The following PDE8B variants were observed in gnomAD, a reference collection of about 807,000 sequenced individuals.
PDE8B encodes the protein phosphodiesterase 8B, also known as high affinity cAMP-specific and IBMX-insensitive 3',5'-cyclic phosphodiesterase 8B.
PDE8B carries 26 observed loss-of-function variants against 101.3 expected under a neutral mutation model. That is an observed-to-expected ratio of 0.26 (90% CI 0.19 to 0.36). The LOEUF (loss-of-function observed/expected upper bound fraction) is 0.36. Among genes scored for constraint, PDE8B ranks in the 10% least tolerant of loss-of-function variants. PDE8B has a pLI of 1.00. For missense variants in PDE8B, 810 were observed against 1,163.1 expected (o/e 0.70, Z 4.42); for synonymous variants, 424 against 429.3 (o/e 0.99, Z 0.15).
At chr5:77,303,420 C>A (rs1288103650) in intron 1 of PDE8B, among the ~76,000 whole-genome samples, 1 of 151,784 alleles carries the variant, frequency 6.6e-6, no homozygotes, top group Non-Finnish European at 1.5e-5. Context: ...TTTTGTGTTC[C>A]CTACTAAAAT....
intron 1 of PDE8B, among the ~76,000 whole-genome samples, chr5:77,307,132 C>T (rs1165353249): frequency 1.3e-5 from 2 of 152,164 alleles, no homozygotes; most frequent in African/African-American, 2.4e-5. Context: ...CCAGCCTTCC[C>T]AGTCGACCCT....
intron 20 of PDE8B, among the ~76,000 whole-genome samples, chr5:77,425,040 T>C (rs1797717898): frequency 1.3e-5 from 2 of 152,178 alleles, no homozygotes; most frequent in South Asian, 4.1e-4. Context: ...ATAATGACTA[T>C]GGCTATTAAT....
chr5:77,269,946 G>C (rs1024276015), intron 1 of PDE8B, among the ~76,000 whole-genome samples: 3 of 152,174 alleles, frequency 2.0e-5, no homozygotes, highest in African/African-American at 7.2e-5. Flanking sequence ...GATAACTTTG[G>C]CTATTCTGGG....
At chr5:77,292,346 A>T (rs1767556188) in intron 1 of PDE8B, among the ~76,000 whole-genome samples, 1 of 152,222 alleles carries the variant, frequency 6.6e-6, no homozygotes, top group African/African-American at 2.4e-5. Context: ...ATCATGGCAG[A>T]CATATAAACA....
In PDE8B at chr5:77,361,238, T is replaced by C. The variant is rs72766970; in HGVS notation, c.1167+7832T>C. On this transcript the variant is annotated intron_variant, in intron 10 of 21. Transcript: ENST00000264917. The stretch of plus-strand genomic sequence containing the variant: ...GCTTTAAACAGCCATGAAGGGAGTA[T>C]TTTTAGATCAAGAAAATTGGCAAAC... 7.9e-3 allele frequency among the ~76,000 whole-genome samples: 1,203 copies of C among 152,332 alleles called. 5 individuals are homozygous for C. The highest frequency in any genetic ancestry group is 0.013 in the Non-Finnish European group (894 of 68,034).
chr5:77,256,274 A>G (rs1195482858), intron 1 of PDE8B, among the ~76,000 whole-genome samples: 1 of 152,102 alleles, frequency 6.6e-6, no homozygotes, highest in African/African-American at 2.4e-5. Flanking sequence ...GTCTTCCCAC[A>G]CTTTTATTCA....
At chr5:77,186,500 C>T in the PDE8B span, among the ~76,000 whole-genome samples, 1 of 152,328 alleles carries the variant, frequency 6.6e-6, no homozygotes, top group Non-Finnish European at 1.5e-5. Flanking sequence ...AGAGTTAGGC[C>T]TGCAACCTTT....
At chr5:77,426,133 C>G (rs1377947421) in intron 21 of PDE8B, 9 of 600,326 alleles carry the variant, frequency 1.5e-5, no homozygotes, top group Non-Finnish European at 2.4e-5. Flanking sequence ...GTCTCTGCCT[C>G]TTCAAAGGAC....
chr5:77,227,767 T>A (rs147613677), intron 1 of PDE8B, among the ~76,000 whole-genome samples: 58 of 152,290 alleles, frequency 3.8e-4, no homozygotes, highest in African/African-American at 1.3e-3. Flanking sequence ...CTGGTTCAGT[T>A]CAACAAACAT....
chr5:77,290,419 G>A, intron 1 of PDE8B: 1 of 1,421,920 alleles, frequency 7.0e-7, no homozygotes, highest in South Asian at 1.1e-5. Context: ...CCAATAGCAA[G>A]AGTCCGACAG....
chr5:77,206,672 T>A (rs1358723617), upstream of PDE8B, among the ~76,000 whole-genome samples: 2 of 151,962 alleles, frequency 1.3e-5, no homozygotes, highest in Non-Finnish European at 2.9e-5. Context: ...TTCGAGGCAC[T>A]TATAAGGACT....
At chr5:77,180,526 C>A in the PDE8B span, 3 of 978,002 alleles carry the variant, frequency 3.1e-6, no homozygotes, top group Non-Finnish European at 3.6e-6. Context: ...CCCTCGGCCG[C>A]CCCCTCACAC....
chr5:77,134,206 C>T, the PDE8B span: 1 of 152,230 alleles, frequency 6.6e-6, no homozygotes, highest in Admixed American at 6.5e-5. Context: ...GCTGGAGCTC[C>T]AGCTGGAGGC....
the PDE8B span, among the ~76,000 whole-genome samples, chr5:77,204,028 G>A: frequency 6.8e-6 from 1 of 146,680 alleles, no homozygotes; most frequent in African/African-American, 2.5e-5. Context: ...AAATTGGTAT[G>A]AATTAATAAT....
At chr5:77,136,565 C>G in the PDE8B span, among the ~76,000 whole-genome samples, 2 of 152,202 alleles carry the variant, frequency 1.3e-5, no homozygotes, top group South Asian at 2.1e-4. Flanking sequence ...CTCTCCTCAG[C>G]CTCCTCTTGT....
At chr5:77,175,303 TTGTGTTTCTTCTC>T in the PDE8B span, among the ~76,000 whole-genome samples, 26,292 of 151,990 alleles carry the variant, frequency 0.17, 3,448 homozygotes, top group East Asian at 0.37. Context: ...GCAAATTATA[TTGTGTTTCTTCTC>T]TGCTTAAAAT....
intron 3 of PDE8B, among the ~76,000 whole-genome samples, chr5:77,328,632 C>T (rs556651728): frequency 1.3e-5 from 2 of 152,216 alleles, no homozygotes; most frequent in South Asian, 2.1e-4. Context: ...CAGTGAGCTC[C>T]CCCAGGTACA....
the PDE8B span, among the ~76,000 whole-genome samples, chr5:77,090,760 T>C: frequency 6.6e-6 from 1 of 152,354 alleles, no homozygotes; most frequent in East Asian, 1.9e-4. Flanking sequence ...TCCGTGTGTG[T>C]GTGTGTGTGT....
At chr5:77,395,840 A>G (rs1467802544) in intron 10 of PDE8B, among the ~76,000 whole-genome samples, 2 of 151,770 alleles carry the variant, frequency 1.3e-5, no homozygotes, top group Non-Finnish European at 2.9e-5. Flanking sequence ...CCAGTTCCAC[A>G]TGGCTTATAG....
Sources: allele counts gnomAD v4.1 joint callset (sites outside exome capture counted in the v4.1 genomes callset), GRCh38; gene constraint gnomAD v4.1.1; transcripts MANE v1.5; gene names NCBI Gene and HGNC (gene_info 2026-07-23, HGNC 2026-07-21).